Variants in PKNOX2 observed in about 807,000 individuals in gnomAD.
The protein encoded by PKNOX2 is PBX/knotted 1 homeobox 2, also known as homeobox protein PKNOX2.
In PKNOX2, 14 loss-of-function variants were observed where a neutral mutation model predicts 53.1. The observed-to-expected ratio is 0.26, with a 90% CI of 0.17 to 0.41. The LOEUF (loss-of-function observed/expected upper bound fraction) is 0.41. Among genes scored for constraint, PKNOX2 ranks in the 10% least tolerant of loss-of-function variants. The probability of loss-of-function intolerance (pLI) is 1.00; values close to 1 mark genes in which losing one functional copy is unlikely to be tolerated. For missense variants in PKNOX2, 496 were observed against 602.8 expected, an observed-to-expected ratio of 0.82 and a Z score of 1.85; for synonymous variants, 257 against 242.8, an observed-to-expected ratio of 1.06 and a Z score of -0.54.
At chr11:125,257,089 A>G (rs529678298) in intron 2 of PKNOX2, among the ~76,000 whole-genome samples, 22 of 150,564 alleles carry the variant, frequency 1.5e-4, no homozygotes, top group Non-Finnish European at 2.7e-4. Flanking sequence ...TAATTTTACT[A>G]TTATTAAATC....
chr11:125,427,130 G>A (rs1956470408), intron 10 of PKNOX2, among the ~76,000 whole-genome samples: 1 of 152,222 alleles, frequency 6.6e-6, no homozygotes, highest in Admixed American at 6.5e-5. Context: ...AAATAGGGAG[G>A]TTGGAGCCAG....
chr11:125,208,311 G>T (rs1418193078), intron 1 of PKNOX2, among the ~76,000 whole-genome samples: 2 of 152,082 alleles, frequency 1.3e-5, no homozygotes, highest in Admixed American at 1.3e-4. Context: ...GAGGTAGATT[G>T]TAAGTTGAAC....
chr11:125,407,897 C>T (rs1955213094), intron 7 of PKNOX2, among the ~76,000 whole-genome samples: 1 of 152,170 alleles, frequency 6.6e-6, no homozygotes, highest in African/African-American at 2.4e-5. Context: ...AAAACTCAGG[C>T]GTTGAGGGTC....
intron 1 of PKNOX2, among the ~76,000 whole-genome samples, chr11:125,175,496 C>T (rs776996478): frequency 6.6e-6 from 1 of 152,224 alleles, no homozygotes; most frequent in Non-Finnish European, 1.5e-5. Flanking sequence ...TGCAGGACCT[C>T]CAGCGTGAAG....
intron 3 of PKNOX2, among the ~76,000 whole-genome samples, chr11:125,349,291 T>G (rs1361051774): frequency 1.3e-5 from 2 of 151,876 alleles, no homozygotes; most frequent in Non-Finnish European, 2.9e-5. Context: ...TCTGGGATGC[T>G]GACCACCACC....
chr11:125,390,620 G>A (rs778425249), intron 6 of PKNOX2, among the ~76,000 whole-genome samples: 9 of 152,202 alleles, frequency 5.9e-5, no homozygotes, highest in Non-Finnish European at 1.3e-4. Context: ...ATTCTCACAA[G>A]ACCCCTATGA....
chr11:125,263,050 A>G (rs1945003434), intron 2 of PKNOX2, among the ~76,000 whole-genome samples: 2 of 152,200 alleles, frequency 1.3e-5, no homozygotes, highest in Non-Finnish European at 2.9e-5. Flanking sequence ...CCAAGAGCAC[A>G]GCACAGAGGG....
intron 1 of PKNOX2, among the ~76,000 whole-genome samples, chr11:125,220,047 A>G (rs911769833): frequency 5.3e-5 from 8 of 152,226 alleles, no homozygotes; most frequent in Admixed American, 1.3e-4. Context: ...TTTCCTGACA[A>G]TGGAATACTA....
At chr11:125,362,723 A>G (rs1951992101) in intron 4 of PKNOX2, among the ~76,000 whole-genome samples, 1 of 152,136 alleles carries the variant, frequency 6.6e-6, no homozygotes, top group Non-Finnish European at 1.5e-5. Flanking sequence ...TTCCCCTACA[A>G]TTGGAAAAAG....
intron 2 of PKNOX2, among the ~76,000 whole-genome samples, chr11:125,250,736 A>G (rs941739993): frequency 6.6e-6 from 1 of 152,238 alleles, no homozygotes; most frequent in Admixed American, 6.5e-5. Context: ...AGAGGAAGAC[A>G]CACCTATCGG....
At chr11:125,210,965 T>A (rs960618637) in intron 1 of PKNOX2, among the ~76,000 whole-genome samples, 6 of 152,172 alleles carry the variant, frequency 3.9e-5, no homozygotes, top group African/African-American at 1.2e-4. Context: ...AGTGTCCTTA[T>A]CCATAACATG....
chr11:125,379,055 C>CTTTTTTTTTTTTTTTTTTTT (rs35310311), intron 5 of PKNOX2, among the ~76,000 whole-genome samples: 2 of 124,442 alleles, frequency 1.6e-5, no homozygotes, highest in Non-Finnish European at 3.3e-5. Context: ...TTTTCTTTCT[C>CTTTTTTTTTTTTTTTTTTTT]TTTTTTTTTT....
At chr11:125,253,682 A>C (rs985315298) in intron 2 of PKNOX2, among the ~76,000 whole-genome samples, 23 of 152,152 alleles carry the variant, frequency 1.5e-4, no homozygotes, top group African/African-American at 5.6e-4. Context: ...TGGCTCACTC[A>C]TCTCTATCAC....
chr11:125,238,172 A>C (rs1432315956), intron 2 of PKNOX2, among the ~76,000 whole-genome samples: 5 of 152,224 alleles, frequency 3.3e-5, no homozygotes, highest in Non-Finnish European at 7.3e-5. Context: ...GGGGATAGAA[A>C]AAAAGCCCAA....
chr11:125,262,142 C>G (rs1944901429), intron 2 of PKNOX2, among the ~76,000 whole-genome samples: 1 of 152,158 alleles, frequency 6.6e-6, no homozygotes, highest in South Asian at 2.1e-4. Flanking sequence ...CACAAGACGC[C>G]TTTGGTGTCA....
At chr11:125,428,934 C>A in intron 10 of PKNOX2, 78 bp from the exon 11 acceptor site, 1 of 1,461,728 alleles carries the variant, frequency 6.8e-7, no homozygotes, top group Non-Finnish European at 9.6e-7. Flanking sequence ...GGATAGTGCC[C>A]ATGGCGTGGG....
rs182422815 is a variant in PKNOX2 at position 125,392,105 on chromosome 11, A to G, written c.400-5769A>G. ...ACGTAGAATAGCAGTAGAAAAGCCAATGGGATATCAGACATTATTAGAAGA... is the reference window on the plus strand; with the variant it reads ...ACGTAGAATAGCAGTAGAAAAGCCAGTGGGATATCAGACATTATTAGAAGA... On this transcript the variant is annotated intron_variant, in intron 6 of 12. Coordinates refer to ENST00000298282, the MANE Select transcript of PKNOX2 (RefSeq NM_001382323.2). Among the ~76,000 whole-genome samples the G allele has an allele frequency of 1.4e-3, 213 of 152,366 alleles. 1 individual carries two copies. Among genetic ancestry groups the G allele is most frequent in the African/African-American group, 4.7e-3 (194 of 41,584 alleles).
intron 4 of PKNOX2, among the ~76,000 whole-genome samples, chr11:125,362,238 T>G (rs1045844206): frequency 2.6e-5 from 4 of 152,200 alleles, no homozygotes; most frequent in Non-Finnish European, 5.9e-5. Flanking sequence ...AGTAATTAAA[T>G]GCTCCAATTC....
At chr11:125,237,474 A>G (rs1036472522) in intron 2 of PKNOX2, among the ~76,000 whole-genome samples, 3 of 152,240 alleles carry the variant, frequency 2.0e-5, no homozygotes, top group Non-Finnish European at 4.4e-5. Flanking sequence ...TTTAGAGAAT[A>G]CAGTCTACCA....
Sources: gnomAD v4.1 joint callset for allele counts (sites outside exome capture counted in the v4.1 genomes callset) on GRCh38, gnomAD v4.1.1 for gene constraint, MANE v1.5 for transcripts, NCBI Gene and HGNC (gene_info 2026-07-23, HGNC 2026-07-21) for gene names.